DBF4B: variants seen among roughly 807,000 people sequenced by gnomAD.
DBF4B encodes the protein DBF4B-CDC7 kinase regulatory subunit, also known as protein DBF4 homolog B.
In DBF4B, 49 loss-of-function variants were observed where a neutral mutation model predicts 53.4. That is an observed-to-expected ratio of 0.92 (90% CI 0.73 to 1.16). The LOEUF (loss-of-function observed/expected upper bound fraction) is 1.16, where lower values mean the gene tolerates loss of function less well. DBF4B is among the 50% of genes most tolerant of loss of function. The pLI, the probability that DBF4B is intolerant of heterozygous loss-of-function variation, is 0.00. For missense variants in DBF4B, 692 were observed against 775.0 expected (o/e 0.89, Z 1.27); for synonymous variants, 257 against 288.7 (o/e 0.89, Z 1.11).
chr17:44,742,878 C>A (rs1444786693), intron 10 of DBF4B, among the ~76,000 whole-genome samples: 1 of 152,118 alleles, frequency 6.6e-6, no homozygotes, highest in Non-Finnish European at 1.5e-5. Context: ...CTTCTCAGAC[C>A]CTTTCTAACC....
chr17:44,708,697 T>C lies in DBF4B; in HGVS notation c.-124T>C, dbSNP rs78131713. 8.5e-5 allele frequency: 102 copies of C among 1,200,858 alleles called. No individual in the cohort carries two copies. In the Admixed American group the frequency reaches 2.2e-3, roughly 26 times the overall value. The allele number at this position is 1,200,858 out of a possible 1,614,324, so 74.4% of individuals were successfully genotyped here. A position where few individuals can be genotyped will look rare whatever the true frequency, so the allele number is the denominator to read the frequency against. ...AGCCGCGGCCGAAAACGCCAAGAGATTGATGCTGTAGCTGCCCTGAGATAA... is the reference window on the plus strand; with the variant it reads ...AGCCGCGGCCGAAAACGCCAAGAGACTGATGCTGTAGCTGCCCTGAGATAA... On this transcript the variant is annotated 5_prime_UTR_variant, in exon 1 of 14. Coordinates refer to ENST00000315005, the MANE Select transcript of DBF4B (RefSeq NM_145663.3).
chr17:44,711,587 G>A (rs558803686), intron 2 of DBF4B, among the ~76,000 whole-genome samples: 1 of 152,068 alleles, frequency 6.6e-6, no homozygotes, highest in African/African-American at 2.4e-5. Context: ...CAAGGCAGGC[G>A]GATCACCTGA....
chr17:44,732,207 C>G lies in DBF4B; in HGVS notation c.498C>G (p.Gly166=), dbSNP rs1290677294. Residue 166 remains glycine (G), a synonymous_variant, in exon 6 of 14, where the codon GGC becomes GGG. Coordinates refer to ENST00000315005, the MANE Select transcript of DBF4B (RefSeq NM_145663.3). The part of the protein sequence containing the change: ...QGSISGGGSG[G]SSSLLTNARS... Reference sequence around the variant, plus strand: ...GCATCAGTGGAGGAGGCAGTGGGGGCAGCAGCAGCCTCCTGACCAATGCCC... The same window carrying G: ...GCATCAGTGGAGGAGGCAGTGGGGGGAGCAGCAGCCTCCTGACCAATGCCC... The G allele has an allele frequency of 6.2e-7, 1 of 1,614,114 alleles. No individual in the cohort carries two copies. Among genetic ancestry groups the G allele is most frequent in the Non-Finnish European group, 8.5e-7 (1 of 1,180,012 alleles).
At chr17:44,739,639 AGG>A (rs1975794839) in intron 9 of DBF4B, among the ~76,000 whole-genome samples, 1 of 152,264 alleles carries the variant, frequency 6.6e-6, no homozygotes, top group African/African-American at 2.4e-5. Flanking sequence ...AACGGCTGAA[AGG>A]CACTGTTACA....
At chr17:44,717,634 G>A (rs184353333) in intron 2 of DBF4B, among the ~76,000 whole-genome samples, 7 of 151,778 alleles carry the variant, frequency 4.6e-5, no homozygotes, top group East Asian at 1.9e-4. Context: ...ACTTGAATCC[G>A]GGAGGCAGAG....
chr17:44,710,260 C>G (rs949207096), intron 2 of DBF4B, among the ~76,000 whole-genome samples: 1 of 152,146 alleles, frequency 6.6e-6, no homozygotes, highest in African/African-American at 2.4e-5. Flanking sequence ...AAACAGTAAT[C>G]CACTTCATTT....
At chr17:44,738,338 G>A in intron 8 of DBF4B, 41 bp from the exon 9 acceptor site, 1 of 1,604,760 alleles carries the variant, frequency 6.2e-7, no homozygotes, top group South Asian at 1.1e-5. Flanking sequence ...CCCTGCACAG[G>A]GGCAGACAGA....
intron 3 of DBF4B, among the ~76,000 whole-genome samples, chr17:44,723,321 G>T (rs1029595026): frequency 2.0e-5 from 3 of 152,094 alleles, no homozygotes; most frequent in Admixed American, 2.0e-4. Context: ...TGGCCAGGGT[G>T]GTCTTGAACT....
At chr17:44,738,097 A>G (rs1373718248) in intron 8 of DBF4B, among the ~76,000 whole-genome samples, 3 of 152,244 alleles carry the variant, frequency 2.0e-5, no homozygotes, top group Admixed American at 1.3e-4. Context: ...GATAGCCTCC[A>G]GAATCCACAC....
intron 4 of DBF4B, 121 bp downstream of exon 4, chr17:44,730,217 C>A: frequency 9.0e-7 from 1 of 1,110,620 alleles, no homozygotes; most frequent in Non-Finnish European, 1.3e-6. Context: ...CATTTGAATT[C>A]AGGGACTGAG....
At chr17:44,729,726 A>C (rs866477106) in intron 3 of DBF4B, among the ~76,000 whole-genome samples, 179 bp from the exon 4 acceptor site, 45 of 144,170 alleles carry the variant, frequency 3.1e-4, no homozygotes, top group Admixed American at 1.2e-3. Flanking sequence ...ACACACACAC[A>C]CCCCATTAGA....
At chr17:44,727,098 C>CAAAAA (rs60326279) in intron 3 of DBF4B, among the ~76,000 whole-genome samples, 5 of 49,510 alleles carry the variant, frequency 1.0e-4, no homozygotes, top group African/African-American at 2.4e-4. Flanking sequence ...GACTCCATCT[C>CAAAAA]AAAAAAAAAA....
In DBF4B at chr17:44,726,177, C is replaced by T. The variant is rs930026924; in HGVS notation, c.225+3155C>T. ...GCTAATTTTGTATTTTTAGTGGAGA[C>T]GGGGTTTCTCCATGTTGGTTAGGCT... On this transcript the variant is annotated intron_variant, in intron 3 of 13. Coordinates refer to ENST00000315005, the MANE Select transcript of DBF4B (RefSeq NM_145663.3). 4.6e-5 allele frequency among the ~76,000 whole-genome samples: 7 copies of T among 151,126 alleles called. No individual in the cohort carries two copies. The South Asian group carries it at 1.0e-3, about 23-fold the overall frequency.
chr17:44,747,264 T>G, intron 11 of DBF4B, 73 bp downstream of exon 11: 1 of 1,598,368 alleles, frequency 6.3e-7, no homozygotes, highest in Non-Finnish European at 8.6e-7. Flanking sequence ...GATGAGTCCT[T>G]CCTATGCGAT....
intron 10 of DBF4B, among the ~76,000 whole-genome samples, chr17:44,744,081 ACCCCCCCC>A (rs71361595): frequency 1.2e-4 from 1 of 8,694 alleles, no homozygotes; most frequent in South Asian, 0.01. Flanking sequence ...TAATGAGACC[ACCCCCCCC>A]CCCCCCCGCC....
intron 10 of DBF4B, among the ~76,000 whole-genome samples, chr17:44,742,680 T>C (rs551885524): frequency 2.6e-5 from 4 of 152,164 alleles, no homozygotes; most frequent in African/African-American, 7.2e-5. Context: ...TCAGTGAATA[T>C]CAAAGTTTAA....
chr17:44,724,256 G>T (rs1186029710), intron 3 of DBF4B, among the ~76,000 whole-genome samples: 1 of 152,080 alleles, frequency 6.6e-6, no homozygotes, highest in African/African-American at 2.4e-5. Flanking sequence ...AATTAGCCAG[G>T]TACAGTGGCA....
In DBF4B at chr17:44,749,869, T is replaced by C. The variant is rs1257059805; in HGVS notation, c.1190-726T>C. On this transcript the variant is annotated intron_variant, in intron 13 of 13. Transcript: ENST00000315005. The surrounding 1 kb of genome is among the most constrained non-coding windows in gnomAD (Gnocchi z 4.4). ...GGCCGCTCCTGCTTTCCAAAATGAC[T>C]GTGTTTGTCCCCTCCCCCAGCCCCC... The C allele has an allele frequency of 1.2e-5, 12 of 1,033,412 alleles. No individual in the cohort carries two copies. Among genetic ancestry groups the C allele is most frequent in the Admixed American group, 5.1e-5 (1 of 19,666 alleles). The allele number at this position is 1,033,412 out of a possible 1,614,324, so 64.0% of individuals were successfully genotyped here. A position where few individuals can be genotyped will look rare whatever the true frequency, so the allele number is the denominator to read the frequency against.
chr17:44,715,347 C>T (rs773341431), intron 2 of DBF4B, among the ~76,000 whole-genome samples: 3 of 152,014 alleles, frequency 2.0e-5, no homozygotes, highest in Non-Finnish European at 4.4e-5. Context: ...ATTACAGGCA[C>T]CCGCCACCTG....
Sources: allele counts gnomAD v4.1 joint callset (sites outside exome capture counted in the v4.1 genomes callset), GRCh38; gene constraint gnomAD v4.1.1; non-coding constraint Gnocchi (gnomAD v3.1); transcripts MANE v1.5; gene names NCBI Gene and HGNC (gene_info 2026-07-23, HGNC 2026-07-21).